EFR3A: variants seen among roughly 807,000 people sequenced by gnomAD.
The protein encoded by EFR3A is EFR3 homolog A, also known as protein EFR3 homolog A.
In EFR3A, 76 loss-of-function variants were observed where a neutral mutation model predicts 104.4. That is an observed-to-expected ratio of 0.73 (90% CI 0.60 to 0.88). EFR3A has a LOEUF of 0.88. Ranked by LOEUF, EFR3A falls within the 40% of genes least tolerant of loss-of-function variation. The probability of loss-of-function intolerance (pLI) is 0.00; values close to 1 mark genes in which losing one functional copy is unlikely to be tolerated. For synonymous variants in EFR3A, 330 were observed against 330.0 expected (o/e 1.00, Z 0.00); for missense variants, 985 against 1,012.5 (o/e 0.97, Z 0.37).
At chr8:131,927,428 G>C (rs773302095) in intron 1 of EFR3A, among the ~76,000 whole-genome samples, 10 of 152,048 alleles carry the variant, frequency 6.6e-5, no homozygotes, top group African/African-American at 1.2e-4. Flanking sequence ...TCTTCCTCTA[G>C]GTTACTGTTC....
At chr8:131,940,706 T>A (rs1026067960) in intron 2 of EFR3A, 131 bp downstream of exon 2, 2 of 1,379,780 alleles carry the variant, frequency 1.4e-6, no homozygotes, top group Admixed American at 3.0e-5. Flanking sequence ...CTACTTTTTT[T>A]ATACTTTTCT....
intron 10 of EFR3A, 140 bp downstream of exon 10, chr8:131,970,783 A>G: frequency 1.3e-6 from 1 of 764,932 alleles, no homozygotes; most frequent in Non-Finnish European, 2.0e-6. Flanking sequence ...TTCGAAAACA[A>G]GCAAGCATGA....
chr8:131,987,792 C>A, intron 18 of EFR3A, 90 bp downstream of exon 18: 1 of 1,374,574 alleles, frequency 7.3e-7, no homozygotes, highest in South Asian at 1.4e-5. Flanking sequence ...AAAATTAATT[C>A]TGGTGTGTGT....
chr8:131,916,018 C>T (rs145713795), intron 1 of EFR3A, among the ~76,000 whole-genome samples: 3 of 152,240 alleles, frequency 2.0e-5, no homozygotes, highest in Non-Finnish European at 2.9e-5. Flanking sequence ...GTGCTCAGCA[C>T]GTAGTTAAAC....
intron 12 of EFR3A, among the ~76,000 whole-genome samples, chr8:131,978,476 C>T (rs1428350062): frequency 6.6e-6 from 1 of 152,124 alleles, no homozygotes; most frequent in African/African-American, 2.4e-5. Context: ...CTCTTTGTCA[C>T]CTAAGCTCCT....
chr8:131,924,033 GAT>G, intron 1 of EFR3A: 1 of 270,776 alleles, frequency 3.7e-6, no homozygotes, highest in Non-Finnish European at 8.1e-6. Flanking sequence ...GTAAGTCCCT[GAT>G]ACTTACTGTA....
At chr8:131,960,373 A>C (rs534583240) in intron 8 of EFR3A, among the ~76,000 whole-genome samples, 1 of 152,208 alleles carries the variant, frequency 6.6e-6, no homozygotes, top group East Asian at 1.9e-4. Context: ...CACAGGGCCA[A>C]CTGCAGGACT....
chr8:131,911,124 A>G (rs1432610391), intron 1 of EFR3A, among the ~76,000 whole-genome samples: 1 of 152,218 alleles, frequency 6.6e-6, no homozygotes, highest in African/African-American at 2.4e-5. Context: ...GAAGCAATTC[A>G]AAGGCATACT....
intron 1 of EFR3A, among the ~76,000 whole-genome samples, chr8:131,920,114 G>T (rs1816931959): frequency 2.0e-5 from 3 of 152,142 alleles, no homozygotes; most frequent in Admixed American, 2.0e-4. Context: ...GAAAGATTAT[G>T]TAAAAATATT....
intron 14 of EFR3A, among the ~76,000 whole-genome samples, chr8:131,980,332 T>G (rs970195707): frequency 6.6e-6 from 1 of 152,116 alleles, no homozygotes; most frequent in Non-Finnish European, 1.5e-5. Context: ...AAAAAATAAT[T>G]TACAAAATAT....
intron 4 of EFR3A, 29 bp downstream of exon 4, chr8:131,946,662 T>A (rs1265182937): frequency 3.3e-6 from 5 of 1,500,350 alleles, no homozygotes; most frequent in Admixed American, 4.6e-5. Flanking sequence ...TTACTAAATG[T>A]ATGCTTAATT....
At chr8:131,924,841 C>T (rs940012211) in intron 1 of EFR3A, among the ~76,000 whole-genome samples, 14 of 151,936 alleles carry the variant, frequency 9.2e-5, no homozygotes, top group Non-Finnish European at 7.4e-5. Flanking sequence ...TTCTAGACTT[C>T]GATTTTTCTC....
chr8:131,943,859 G>A (rs776450103), intron 2 of EFR3A, among the ~76,000 whole-genome samples: 23 of 151,932 alleles, frequency 1.5e-4, no homozygotes, highest in Non-Finnish European at 2.8e-4. Context: ...CACCTTCTCT[G>A]GGAAAGAGAA....
rs574666777 is a variant in EFR3A at position 131,972,460 on chromosome 8, C to CT, written c.1159+1829dup. Among the ~76,000 whole-genome samples, 364 of 141,346 alleles carry CT rather than the reference C, an allele frequency of 2.6e-3. 3 individuals carry two copies. The highest frequency in any genetic ancestry group is 7.0e-3 in the African/African-American group (273 of 38,752). 92.7% of individuals were successfully genotyped at this position (141,346 alleles called of 152,430 possible). A position where few individuals can be genotyped will look rare whatever the true frequency, so the allele number is the denominator to read the frequency against. On this transcript the variant is annotated intron_variant, in intron 10 of 22. Coordinates refer to ENST00000254624, the MANE Select transcript of EFR3A (RefSeq NM_015137.6). ...TGCTTTTCTTTCTTTTTTAAATTTT[C>CT]TTTTTTTTTTTTCCTGTCTGTAGTC...
At chr8:131,942,607 T>C (rs1818217054) in intron 2 of EFR3A, among the ~76,000 whole-genome samples, 2 of 152,162 alleles carry the variant, frequency 1.3e-5, no homozygotes. Context: ...TGTCTATCAT[T>C]GTGCCTGGCA....
chr8:131,968,245 C>A (rs1164874831), intron 8 of EFR3A, 50 bp from the exon 9 acceptor site: 2 of 1,552,806 alleles, frequency 1.3e-6, no homozygotes, highest in African/African-American at 2.7e-5. Flanking sequence ...GGAATTCTGC[C>A]AAGGTACATG....
chr8:132,010,413 T>C (rs1207470857), intron 22 of EFR3A, among the ~76,000 whole-genome samples: 54 of 28,520 alleles, frequency 1.9e-3, no homozygotes, highest in African/African-American at 6.6e-3. Context: ...ATGAGATATA[T>C]ATATATATAT....
At chr8:131,993,321 G>A (rs942186901) in intron 18 of EFR3A, among the ~76,000 whole-genome samples, 1 of 152,144 alleles carries the variant, frequency 6.6e-6, no homozygotes, top group African/African-American at 2.4e-5. Flanking sequence ...AGCTAATGGA[G>A]CTACCACTGT....
At chr8:131,993,593 G>A (rs969059373) in intron 18 of EFR3A, among the ~76,000 whole-genome samples, 28 of 151,856 alleles carry the variant, frequency 1.8e-4, no homozygotes, top group African/African-American at 6.5e-4. Flanking sequence ...ATACAGAATG[G>A]GATTAGAAAG....
Sources: allele counts gnomAD v4.1 joint callset (sites outside exome capture counted in the v4.1 genomes callset), GRCh38; gene constraint gnomAD v4.1.1; transcripts MANE v1.5; gene names NCBI Gene and HGNC (gene_info 2026-07-23, HGNC 2026-07-21).